GRIK1: variants seen among roughly 807,000 people sequenced by gnomAD.
GRIK1 encodes glutamate receptor ionotropic, kainate 1.
Under a neutral mutation model 105.7 loss-of-function variants are expected in GRIK1, and 69 were observed. The ratio of observed to expected loss-of-function variants is 0.65; its 90% CI spans 0.54 to 0.80. The LOEUF (loss-of-function observed/expected upper bound fraction) is 0.80. Ranked by LOEUF, GRIK1 falls within the 30% of genes least tolerant of loss-of-function variation. The probability of loss-of-function intolerance (pLI) is 0.00; values close to 1 mark genes in which losing one functional copy is unlikely to be tolerated. For synonymous variants in GRIK1, 438 were observed against 431.3 expected (o/e 1.02, Z -0.19); for missense variants, 1,109 against 1,167.3 (o/e 0.95, Z 0.73).
intron 1 of GRIK1, among the ~76,000 whole-genome samples, chr21:29,932,243 C>A (rs1395777052): frequency 6.6e-6 from 1 of 152,072 alleles, no homozygotes; most frequent in African/African-American, 2.4e-5. Flanking sequence ...TTTTTAAAAG[C>A]TAAAAGAAAA....
At chr21:29,909,481 T>C (rs2070744263) in intron 1 of GRIK1, among the ~76,000 whole-genome samples, 1 of 151,764 alleles carries the variant, frequency 6.6e-6, no homozygotes, top group Non-Finnish European at 1.5e-5. Flanking sequence ...ATAGAATATT[T>C]AATTAAATAG....
intron 1 of GRIK1, among the ~76,000 whole-genome samples, chr21:29,846,156 C>T (rs201588439): frequency 1.8e-4 from 27 of 152,018 alleles, no homozygotes; most frequent in Non-Finnish European, 3.4e-4. Context: ...TTTGGGAGGT[C>T]GAGAGGGGCA....
chr21:29,689,717 G>A lies in GRIK1; in HGVS notation c.544+11C>T. The A allele has an allele frequency of 6.2e-7, 1 of 1,612,768 alleles. No homozygotes were observed. The highest frequency in any genetic ancestry group is 8.5e-7 in the Non-Finnish European group (1 of 1,178,812). Reference sequence around the variant, plus strand: ...GACATGGTCGGGTGAGGTCTTGTGTGAGTCCCATACCTGTGCTGTCTTCAT... The same window carrying A: ...GACATGGTCGGGTGAGGTCTTGTGTAAGTCCCATACCTGTGCTGTCTTCAT... On this transcript the variant is annotated intron_variant, in intron 3 of 17. Transcript: ENST00000327783.
intron 1 of GRIK1, among the ~76,000 whole-genome samples, chr21:29,724,783 G>A (rs1455048394): frequency 6.6e-6 from 1 of 152,178 alleles, no homozygotes; most frequent in Non-Finnish European, 1.5e-5. Flanking sequence ...GGCTACAGGA[G>A]CCCTAAGTGC....
chr21:29,902,602 C>T (rs1333288949), intron 1 of GRIK1, among the ~76,000 whole-genome samples: 2 of 152,170 alleles, frequency 1.3e-5, no homozygotes, highest in African/African-American at 2.4e-5. Flanking sequence ...TGAAGGACCT[C>T]TTCAAGGAGA....
intron 7 of GRIK1, chr21:29,601,156 A>G: frequency 2.1e-6 from 1 of 476,324 alleles, no homozygotes; most frequent in Non-Finnish European, 4.4e-6. Context: ...AGTGGGTACC[A>G]TTCAATTCAT....
chr21:29,682,384 G>A (rs947766117), intron 3 of GRIK1, among the ~76,000 whole-genome samples: 6 of 152,144 alleles, frequency 3.9e-5, no homozygotes, highest in East Asian at 1.9e-4. Context: ...GGCTGGCGTC[G>A]TTGTGAATTT....
intron 1 of GRIK1, among the ~76,000 whole-genome samples, chr21:29,831,129 G>T (rs443589): frequency 1.3e-5 from 2 of 151,956 alleles, no homozygotes; most frequent in African/African-American, 2.4e-5. Context: ...AAGCAGTTTC[G>T]GTAGATTTTG....
chr21:29,558,442 A>G (rs2090312500), intron 15 of GRIK1, among the ~76,000 whole-genome samples: 1 of 151,378 alleles, frequency 6.6e-6, no homozygotes, highest in Admixed American at 6.6e-5. Flanking sequence ...GAGTCAATTC[A>G]TCATAAAAGA....
rs145450985 is a variant in GRIK1, at chr21:29,741,575, T to C, written c.119-47512A>G. The stretch of plus-strand genomic sequence containing the variant: ...ATTCTAGAACCATTTCAAAATCATA[T>C]TGATAAAAAATAACTTATTTAAATT... On this transcript the variant is annotated intron_variant, in intron 1 of 17. Coordinates refer to ENST00000327783, the MANE Select transcript of GRIK1 (RefSeq NM_001330994.2). Among the ~76,000 whole-genome samples the C allele has an allele frequency of 2.3e-3, 354 of 152,326 alleles. 2 individuals carry two copies. Among genetic ancestry groups the C allele is most frequent in the Non-Finnish European group, 4.6e-3 (313 of 68,030 alleles).
chr21:29,847,559 A>G (rs976939673), intron 1 of GRIK1, among the ~76,000 whole-genome samples: 3 of 152,180 alleles, frequency 2.0e-5, no homozygotes, highest in Non-Finnish European at 4.4e-5. Context: ...GGGCCATTGC[A>G]CTCCAGCAAC....
At chr21:29,564,160 T>TA (rs1568822340) in intron 14 of GRIK1, among the ~76,000 whole-genome samples, 15 of 152,296 alleles carry the variant, frequency 9.8e-5, no homozygotes, top group African/African-American at 3.6e-4. Flanking sequence ...TTTATTTATT[T>TA]TTTTTGAGAC....
rs114331944 is a variant in GRIK1, at chr21:29,773,001, C to T, written c.119-78938G>A. 7.3e-3 allele frequency among the ~76,000 whole-genome samples: 1,112 copies of T among 152,170 alleles called. 15 individuals carry two copies. The highest frequency in any genetic ancestry group is 0.026 in the African/African-American group (1,083 of 41,530). On this transcript the variant is annotated intron_variant, in intron 1 of 17. Transcript: ENST00000327783. ...GTAATACAGGGGCAATGAACAAATG[C>T]TGTTAATGATGATGATGGTGGTGAT...
At chr21:29,553,693 GAAAC>G (rs747530156) in intron 16 of GRIK1, 1 of 1,559,788 alleles carries the variant, frequency 6.4e-7, no homozygotes, top group Admixed American at 2.0e-5. Flanking sequence ...GTCCATAAAA[GAAAC>G]AAAAAGCCTT....
intron 1 of GRIK1, among the ~76,000 whole-genome samples, chr21:29,896,588 A>G (rs935692498): frequency 3.3e-5 from 5 of 152,184 alleles, no homozygotes; most frequent in African/African-American, 1.2e-4. Context: ...CTGACATATA[A>G]CACATATCTG....
intron 7 of GRIK1, among the ~76,000 whole-genome samples, chr21:29,599,189 A>G (rs909427467): frequency 6.6e-5 from 10 of 152,214 alleles, no homozygotes; most frequent in Non-Finnish European, 1.5e-5. Flanking sequence ...AATGGACAGT[A>G]TGGAAAGAAT....
Position 29,537,837 on chromosome 21 carries a change from C to T in GRIK1, c.2655G>A (p.Arg885=), listed in dbSNP as rs760061613. The stretch of plus-strand genomic sequence containing the variant: ...GGCTTTGTTTTTTTCTCCCATGAAA[C>T]CTTACTTTGTTCCTAAAATAAAATC... ...RIRFYFRNKV[R]FHGRKKQSLG... The change falls in exon 17 of 18, where the codon AGG becomes AGA. Residue 885 remains arginine (R), a synonymous_variant. Transcript: ENST00000327783. 6 of 1,532,092 alleles carry T rather than the reference C, an allele frequency of 3.9e-6. No individual in the cohort carries two copies. The highest frequency in any genetic ancestry group is 5.4e-6 in the Non-Finnish European group (6 of 1,108,394). 94.9% of individuals were successfully genotyped at this position (1,532,092 alleles called of 1,614,324 possible).
At chr21:29,923,074 G>A (rs1276865014) in intron 1 of GRIK1, among the ~76,000 whole-genome samples, 1 of 152,122 alleles carries the variant, frequency 6.6e-6, no homozygotes, top group Non-Finnish European at 1.5e-5. Flanking sequence ...GCAAAAATGA[G>A]TCTTTCCACA....
chr21:29,610,885 T>C (rs1334884476), intron 7 of GRIK1, among the ~76,000 whole-genome samples: 1 of 152,200 alleles, frequency 6.6e-6, no homozygotes, highest in Non-Finnish European at 1.5e-5. Context: ...CTGTCCTTAG[T>C]AGCTGCTTGA....
Sources: allele counts gnomAD v4.1 joint callset (sites outside exome capture counted in the v4.1 genomes callset), GRCh38; gene constraint gnomAD v4.1.1; transcripts MANE v1.5; gene names NCBI Gene and HGNC (gene_info 2026-07-23, HGNC 2026-07-21).